The following STAG2 variants were observed in gnomAD, a reference collection of about 807,000 sequenced individuals.
STAG2 encodes the protein STAG2 cohesin complex component, also known as cohesin subunit SA-2.
A neutral mutation model predicts 108.1 loss-of-function variants in STAG2; 14 were observed. The observed-to-expected ratio is 0.13, with a 90% CI of 0.09 to 0.20. STAG2 has a LOEUF of 0.20. Among genes scored for constraint, STAG2 ranks in the 10% least tolerant of loss-of-function variants. STAG2 has a pLI of 1.00. For synonymous variants in STAG2, 307 were observed against 302.7 expected (o/e 1.01, Z -0.15); for missense variants, 440 against 940.9 (o/e 0.47, Z 6.96).
In STAG2 at chrX:124,083,584, A is replaced by G. The variant is rs774194358; in HGVS notation, c.3053+35A>G. On this transcript the variant is annotated intron_variant, in intron 29 of 34. Transcript: ENST00000371145. ...TGCTGGAAATGTCCTATTTAATTTCATTTTGGGATTCTTAAGGGCAATTTT... is the reference window on the plus strand; with the variant it reads ...TGCTGGAAATGTCCTATTTAATTTCGTTTTGGGATTCTTAAGGGCAATTTT... 11 of 1,097,831 alleles carry G rather than the reference A, an allele frequency of 1.0e-5. No homozygotes were observed. In the East Asian group the frequency reaches 3.7e-4, roughly 36 times the overall value. The allele number at this position is 1,097,831 out of a possible 1,213,427, so 90.5% of individuals were successfully genotyped here.
chrX:123,980,817 A>G (rs747324859), intron 1 of STAG2, among the ~76,000 whole-genome samples: 4 of 112,511 alleles, frequency 3.6e-5, no homozygotes, highest in Non-Finnish European at 5.6e-5. Flanking sequence ...GGATAATACA[A>G]TACTGCAATT....
At chrX:124,086,298 A>G (rs1029926710) in intron 29 of STAG2, among the ~76,000 whole-genome samples, 20 of 111,655 alleles carry the variant, frequency 1.8e-4, no homozygotes, top group African/African-American at 5.5e-4. Flanking sequence ...GCAGGTAGGT[A>G]TCATATCATA....
intron 1 of STAG2, among the ~76,000 whole-genome samples, chrX:123,967,042 C>T (rs2054127378): frequency 9.1e-6 from 1 of 109,337 alleles, no homozygotes; most frequent in East Asian, 2.9e-4. Context: ...CGCTACCACG[C>T]CCAGCTAATT....
chrX:124,067,190 A>C, intron 23 of STAG2, among the ~76,000 whole-genome samples: 1 of 111,462 alleles, frequency 9.0e-6, no homozygotes, highest in South Asian at 3.8e-4. Context: ...TGGGCTTTTA[A>C]GATGTTGTTA....
intron 1 of STAG2, among the ~76,000 whole-genome samples, chrX:123,977,457 C>G (rs1259148608): frequency 3.6e-5 from 4 of 110,510 alleles, no homozygotes; most frequent in Admixed American, 1.9e-4. Flanking sequence ...TTTTTTCCCC[C>G]CCTCCGGTAT....
rs1412372265 is a variant in STAG2, at chrX:124,045,371, C to T, written c.667+3C>T. On this transcript the variant is annotated splice_donor_region_variant and intron_variant, in intron 8 of 34. Coordinates refer to ENST00000371145, the MANE Select transcript of STAG2 (RefSeq NM_001042750.2). Reference sequence around the variant, plus strand: ...TCGACATACAAGCACCCTGGCAGGTCGGTATTTAGAAATATTTTCTGCATA... The same window carrying T: ...TCGACATACAAGCACCCTGGCAGGTTGGTATTTAGAAATATTTTCTGCATA... 5 of 1,189,963 alleles carry T rather than the reference C, an allele frequency of 4.2e-6. No individual in the cohort carries two copies. The highest frequency in any genetic ancestry group is 6.0e-5 in the East Asian group (2 of 33,513).
At chrX:124,013,700 C>T (rs984398473) in intron 1 of STAG2, among the ~76,000 whole-genome samples, 3 of 107,324 alleles carry the variant, frequency 2.8e-5, no homozygotes, top group South Asian at 4.5e-4. Context: ...GACAATATTG[C>T]GGCATTCAGG....
intron 1 of STAG2, among the ~76,000 whole-genome samples, chrX:123,970,339 A>T (rs1174648921): frequency 1.8e-5 from 2 of 110,561 alleles, no homozygotes; most frequent in East Asian, 5.6e-4. Context: ...ATCTAGAAAG[A>T]TATTAGTTAG....
chrX:123,983,269 T>A (rs887172601), intron 1 of STAG2, among the ~76,000 whole-genome samples: 6 of 111,048 alleles, frequency 5.4e-5, no homozygotes, highest in East Asian at 5.6e-4. Flanking sequence ...CTACTTTTTT[T>A]AAATTGAGTT....
chrX:124,055,829 T>G (rs1466683601), intron 13 of STAG2, among the ~76,000 whole-genome samples: 1 of 112,212 alleles, frequency 8.9e-6, no homozygotes, highest in Non-Finnish European at 1.9e-5. Flanking sequence ...GCTGCCCCTT[T>G]ACTTTCTATA....
At chrX:124,036,051 T>C (rs755054003) in intron 5 of STAG2, among the ~76,000 whole-genome samples, 2 of 112,572 alleles carry the variant, frequency 1.8e-5, no homozygotes, top group Non-Finnish European at 3.7e-5. Flanking sequence ...CACATTTCTT[T>C]TGTAAATTAT....
chrX:124,032,063 AAAAAATAATTTGGTC>A (rs2148071998), intron 5 of STAG2, among the ~76,000 whole-genome samples: 1 of 111,965 alleles, frequency 8.9e-6, no homozygotes, highest in African/African-American at 3.2e-5. Context: ...GGCCTAAGGT[AAAAAATAATTTGGTC>A]AAAAATATGC....
intron 32 of STAG2, among the ~76,000 whole-genome samples, chrX:124,091,194 A>G (rs1034892349): frequency 8.9e-6 from 1 of 111,838 alleles, no homozygotes; most frequent in Non-Finnish European, 1.9e-5. Context: ...AAAAGTTTAA[A>G]TATCAATCCT....
intron 30 of STAG2, among the ~76,000 whole-genome samples, chrX:124,089,360 T>C (rs2059196183): frequency 8.9e-6 from 1 of 112,552 alleles, no homozygotes; most frequent in South Asian, 3.6e-4. Flanking sequence ...TATGGCAACA[T>C]TTACAGACAT....
At chrX:123,989,461 A>G (rs2055342459) in intron 1 of STAG2, among the ~76,000 whole-genome samples, 1 of 111,538 alleles carries the variant, frequency 9.0e-6, no homozygotes, top group Non-Finnish European at 1.9e-5. Context: ...AAAGCAGCAT[A>G]TACATTGTAT....
chrX:124,010,355 C>T (rs1356564914), intron 1 of STAG2, among the ~76,000 whole-genome samples: 1 of 111,477 alleles, frequency 9.0e-6, no homozygotes, highest in African/African-American at 3.3e-5. Context: ...ACTTCAGATA[C>T]CTCATAAGTT....
At chrX:124,023,208 A>G (rs1420326894) in intron 3 of STAG2, among the ~76,000 whole-genome samples, 1 of 111,550 alleles carries the variant, frequency 9.0e-6, no homozygotes, top group Non-Finnish European at 1.9e-5. Context: ...ATTTTGAACT[A>G]CTCTATGTAA....
chrX:124,092,934 G>A (rs893110158), intron 32 of STAG2, among the ~76,000 whole-genome samples: 15 of 111,688 alleles, frequency 1.3e-4, no homozygotes, highest in Admixed American at 9.5e-5. Context: ...CAGGTAACAT[G>A]GATCAGAGAT....
In STAG2 at chrX:124,086,486, A is replaced by G; in HGVS notation, c.3054-61A>G. ...GTAATATGCCTATGCTCGCACAACT[A>G]TGAGTTAATATAACCCACAGATTTC... On this transcript the variant is annotated intron_variant, in intron 29 of 34. Coordinates refer to ENST00000371145, the MANE Select transcript of STAG2 (RefSeq NM_001042750.2). 17 of 925,864 alleles carry G rather than the reference A, an allele frequency of 1.8e-5. 1 individual carries two copies. The highest frequency in any genetic ancestry group is 5.6e-4 in the Middle Eastern group (2 of 3,568). 76.3% of individuals were successfully genotyped at this position (925,864 alleles called of 1,213,427 possible). A position where few individuals can be genotyped will look rare whatever the true frequency, so the allele number is the denominator to read the frequency against.
Sources: gnomAD v4.1 joint callset for allele counts (sites outside exome capture counted in the v4.1 genomes callset) on GRCh38, gnomAD v4.1.1 for gene constraint, MANE v1.5 for transcripts, NCBI Gene and HGNC (gene_info 2026-07-23, HGNC 2026-07-21) for gene names.